ITGBL1: variants seen among roughly 807,000 people sequenced by gnomAD.
ITGBL1 encodes the protein integrin beta-like protein 1.
ITGBL1 carries 51 observed loss-of-function variants against 68.5 expected under a neutral mutation model. The ratio of observed to expected loss-of-function variants is 0.74; its 90% CI spans 0.59 to 0.94. The LOEUF is 0.94. ITGBL1 is among the 40% of genes least tolerant of loss of function. The pLI is 0.00. For synonymous variants in ITGBL1, 209 were observed against 227.3 expected (o/e 0.92, Z 0.72); for missense variants, 649 against 647.4 (o/e 1.00, Z -0.03).
At chr13:101,705,307 AAAC>A (rs574494914) in intron 8 of ITGBL1, among the ~76,000 whole-genome samples, 8 of 144,950 alleles carry the variant, frequency 5.5e-5, no homozygotes, top group South Asian at 4.3e-4. Context: ...AAAAAAAAAA[AAAC>A]AACAACAACA....
intron 6 of ITGBL1, among the ~76,000 whole-genome samples, chr13:101,593,557 G>C (rs552828444): frequency 2.7e-4 from 41 of 151,900 alleles, no homozygotes; most frequent in Non-Finnish European, 5.0e-4. Context: ...AAAAATTGTG[G>C]TATATATACA....
intron 2 of ITGBL1, among the ~76,000 whole-genome samples, chr13:101,460,641 G>C (rs2048305594): frequency 6.6e-6 from 1 of 152,202 alleles, no homozygotes; most frequent in Non-Finnish European, 1.5e-5. Context: ...CCTGAGACTG[G>C]GTAGGTTGTA....
In ITGBL1 at chr13:101,643,970, C is replaced by G. The variant is rs2032474655; in HGVS notation, c.1015+45671C>G. Among the ~76,000 whole-genome samples, 2 of 152,150 alleles carry G rather than the reference C, an allele frequency of 1.3e-5. 1 individual carries two copies. Among genetic ancestry groups the G allele is most frequent in the African/African-American group, 4.8e-5 (2 of 41,440 alleles). ...AGAGTGGCCCACACAACGTTAGCTC[C>G]ATTTCAAACTTAGAGCCAACATCCA... On this transcript the variant is annotated intron_variant, in intron 7 of 10. Coordinates refer to ENST00000376180, the MANE Select transcript of ITGBL1 (RefSeq NM_004791.3).
Position 101,643,007 on chromosome 13 carries a change from A to G in ITGBL1, c.1015+44708A>G, listed in dbSNP as rs1477993196. 4.9e-3 allele frequency among the ~76,000 whole-genome samples: 634 copies of G among 130,316 alleles called. 3 individuals carry two copies. The highest frequency in any genetic ancestry group is 0.016 in the African/African-American group (540 of 33,838). The allele number at this position is 130,316 out of a possible 152,430, so 85.5% of individuals were successfully genotyped here. ...TGAAGTCAGGTAGCGTGATGCCTCC[A>G]GCTTTGTTCTTTTGGCTTAGGATTG... On this transcript the variant is annotated intron_variant, in intron 7 of 10. Transcript: ENST00000376180.
intron 5 of ITGBL1, among the ~76,000 whole-genome samples, chr13:101,579,957 G>A (rs760015180): frequency 5.3e-5 from 8 of 152,112 alleles, no homozygotes; most frequent in Non-Finnish European, 8.8e-5. Flanking sequence ...ATAGCCATAG[G>A]AAATGTACAC....
At chr13:101,596,732 A>G (rs2029995354) in intron 6 of ITGBL1, among the ~76,000 whole-genome samples, 1 of 152,210 alleles carries the variant, frequency 6.6e-6, no homozygotes, top group Non-Finnish European at 1.5e-5. Context: ...TGCTCTGAAT[A>G]ATATTCCATT....
chr13:101,464,254 G>A (rs1222664052), intron 2 of ITGBL1, among the ~76,000 whole-genome samples: 1 of 152,004 alleles, frequency 6.6e-6, no homozygotes, highest in Non-Finnish European at 1.5e-5. Context: ...TCTTTATCCT[G>A]TTTGATCCCC....
chr13:101,471,524 GTGTA>G (rs1291766193), intron 2 of ITGBL1, among the ~76,000 whole-genome samples: 4 of 77,908 alleles, frequency 5.1e-5, no homozygotes, highest in Non-Finnish European at 9.2e-5. Context: ...GTGTGTGTGT[GTGTA>G]TGTATGTGTG....
intron 7 of ITGBL1, among the ~76,000 whole-genome samples, chr13:101,659,350 AC>A (rs1347702225): frequency 7.9e-4 from 120 of 152,340 alleles, no homozygotes; most frequent in African/African-American, 2.8e-3. Flanking sequence ...TATAATTATA[AC>A]AAATATTTTA....
At chr13:101,647,911 T>C (rs949609863) in intron 7 of ITGBL1, among the ~76,000 whole-genome samples, 2 of 152,102 alleles carry the variant, frequency 1.3e-5, no homozygotes, top group African/African-American at 4.8e-5. Context: ...TTAGAACTGG[T>C]GGGAGCGCTG....
At chr13:101,669,693 A>G (rs925153048) in intron 7 of ITGBL1, among the ~76,000 whole-genome samples, 2 of 152,174 alleles carry the variant, frequency 1.3e-5, no homozygotes, top group African/African-American at 2.4e-5. Context: ...TTAATTTTCA[A>G]TCATTTTCTG....
At chr13:101,461,655 A>G (rs149174327) in intron 2 of ITGBL1, among the ~76,000 whole-genome samples, 1 of 152,312 alleles carries the variant, frequency 6.6e-6, no homozygotes, top group East Asian at 1.9e-4. Flanking sequence ...TGATCAGGCC[A>G]CTGCACTCCA....
Position 101,473,214 on chromosome 13 carries a change from A to G in ITGBL1, c.316+19114A>G, listed in dbSNP as rs79504259. 2.0e-3 allele frequency among the ~76,000 whole-genome samples: 308 copies of G among 152,278 alleles called. 2 individuals carry two copies. The highest frequency in any genetic ancestry group is 7.1e-3 in the African/African-American group (294 of 41,558). ...CAAAAACCAGATGAGTGATCACAGT[A>G]CCCGGTTTCAATACCATATCAAAGA... On this transcript the variant is annotated intron_variant, in intron 2 of 10. Transcript: ENST00000376180.
At chr13:101,708,906 A>G (rs1321340009) in intron 9 of ITGBL1, among the ~76,000 whole-genome samples, 1 of 152,234 alleles carries the variant, frequency 6.6e-6, no homozygotes, top group African/African-American at 2.4e-5. Flanking sequence ...CACTAATTCA[A>G]TCTAATCTCA....
intron 2 of ITGBL1, among the ~76,000 whole-genome samples, chr13:101,567,180 A>G (rs1001927004): frequency 6.6e-6 from 1 of 152,152 alleles, no homozygotes; most frequent in Non-Finnish European, 1.5e-5. Context: ...CAAAATATAT[A>G]CGTATTTTAT....
intron 2 of ITGBL1, among the ~76,000 whole-genome samples, chr13:101,555,856 A>C (rs2049997017): frequency 6.6e-6 from 1 of 152,190 alleles, no homozygotes; most frequent in Admixed American, 6.5e-5. Context: ...ATGCACTATT[A>C]GTATTTGATC....
intron 7 of ITGBL1, among the ~76,000 whole-genome samples, chr13:101,646,997 G>A (rs1170994807): frequency 6.6e-6 from 1 of 152,000 alleles, no homozygotes; most frequent in African/African-American, 2.4e-5. Flanking sequence ...AAAAGTAATA[G>A]ACCCTGAGTG....
At chr13:101,481,551 C>G (rs185348018) in intron 2 of ITGBL1, among the ~76,000 whole-genome samples, 1 of 151,820 alleles carries the variant, frequency 6.6e-6, no homozygotes, top group Admixed American at 6.6e-5. Context: ...GTTCTACAAC[C>G]CTTCCTCCAC....
At chr13:101,637,830 C>T (rs1447614509) in intron 7 of ITGBL1, among the ~76,000 whole-genome samples, 1 of 152,114 alleles carries the variant, frequency 6.6e-6, no homozygotes, top group Non-Finnish European at 1.5e-5. Context: ...TGCTAACATT[C>T]AATCTTAGAG....
Sources: gnomAD v4.1 joint callset for allele counts (sites outside exome capture counted in the v4.1 genomes callset) on GRCh38, gnomAD v4.1.1 for gene constraint, MANE v1.5 for transcripts, NCBI Gene and HGNC (gene_info 2026-07-23, HGNC 2026-07-21) for gene names.